GUCY1A2: variants seen among roughly 807,000 people sequenced by gnomAD.
GUCY1A2 encodes guanylate cyclase 1 soluble subunit alpha 2, also known as guanylate cyclase soluble subunit alpha-2.
A neutral mutation model predicts 63.5 loss-of-function variants in GUCY1A2; 27 were observed. The ratio of observed to expected loss-of-function variants is 0.43; its 90% confidence interval spans 0.31 to 0.59. The LOEUF is 0.59. Among genes scored for constraint, GUCY1A2 ranks in the 20% least tolerant of loss-of-function variants. The probability of loss-of-function intolerance (pLI) is 0.11; values close to 1 mark genes in which losing one functional copy is unlikely to be tolerated. For synonymous variants in GUCY1A2, 364 were observed against 343.5 expected, an observed-to-expected ratio of 1.06 and a Z score of -0.66; for missense variants, 768 against 913.3, an observed-to-expected ratio of 0.84 and a Z score of 2.05.
chr11:106,894,715 T>C (rs552707476), intron 4 of GUCY1A2, among the ~76,000 whole-genome samples: 5 of 152,252 alleles, frequency 3.3e-5, no homozygotes, highest in Non-Finnish European at 7.4e-5. Flanking sequence ...TATTTTTGAC[T>C]AAATAAAAAT....
chr11:106,689,088 G>A lies in GUCY1A2; in HGVS notation c.1992-1332C>T, dbSNP rs147451152. Among the ~76,000 whole-genome samples, 1,002 of 152,216 alleles carry A rather than the reference G, an allele frequency of 6.6e-3. 7 individuals are homozygous for A. Among genetic ancestry groups the A allele is most frequent in the Middle Eastern group, 0.017 (5 of 294 alleles). On this transcript the variant is annotated intron_variant, in intron 7 of 7. Coordinates refer to ENST00000526355, the MANE Select transcript of GUCY1A2 (RefSeq NM_000855.3). ...AAGTAGGAGGCAGGTCGGGGCAAAAGAAACAATGAGCACAAGAAGAATAAA... is the reference window on the plus strand; with the variant it reads ...AAGTAGGAGGCAGGTCGGGGCAAAAAAAACAATGAGCACAAGAAGAATAAA...
intron 7 of GUCY1A2, among the ~76,000 whole-genome samples, chr11:106,689,609 A>C (rs1243538869): frequency 6.6e-6 from 1 of 152,304 alleles, no homozygotes; most frequent in Non-Finnish European, 1.5e-5. Context: ...ACGTATATGA[A>C]AAAAAGCTCA....
chr11:106,727,953 C>A (rs1367715785), intron 6 of GUCY1A2, among the ~76,000 whole-genome samples: 3 of 152,086 alleles, frequency 2.0e-5, no homozygotes, highest in Non-Finnish European at 4.4e-5. Context: ...AGGTTTCTCC[C>A]AAATTAGAAT....
At chr11:106,969,894 C>A (rs1017810121) in intron 3 of GUCY1A2, among the ~76,000 whole-genome samples, 1 of 152,140 alleles carries the variant, frequency 6.6e-6, no homozygotes, top group African/African-American at 2.4e-5. Context: ...AGCTGTGCTT[C>A]CATTTCTTCT....
In GUCY1A2 at chr11:106,880,320, G is replaced by T. The variant is rs532208839; in HGVS notation, c.1206+59140C>A. The stretch of plus-strand genomic sequence containing the variant: ...CAGGGAGATTAAGGCCTTTTGTTTG[G>T]GGTTAAATGATGGTTGCCACGTGAA... On this transcript the variant is annotated intron_variant, in intron 4 of 7. Coordinates refer to ENST00000526355, the MANE Select transcript of GUCY1A2 (RefSeq NM_000855.3). 2.2e-4 allele frequency among the ~76,000 whole-genome samples: 34 copies of T among 152,056 alleles called. 1 individual carries two copies. The East Asian group carries it at 2.7e-3, about 12-fold the overall frequency.
At chr11:107,012,290 G>A (rs1861757707) in intron 1 of GUCY1A2, among the ~76,000 whole-genome samples, 1 of 138,680 alleles carries the variant, frequency 7.2e-6, no homozygotes, top group Non-Finnish European at 1.5e-5. Flanking sequence ...CTTGACATCT[G>A]TTAACCTATT....
intron 7 of GUCY1A2, among the ~76,000 whole-genome samples, chr11:106,689,866 G>A (rs532949679): frequency 7.2e-5 from 11 of 151,832 alleles, no homozygotes; most frequent in East Asian, 3.9e-4. Flanking sequence ...ATGTTGGTGC[G>A]CCCCTGTAAT....
intron 4 of GUCY1A2, among the ~76,000 whole-genome samples, chr11:106,871,831 T>C (rs934526159): frequency 6.6e-6 from 1 of 152,200 alleles, no homozygotes; most frequent in Non-Finnish European, 1.5e-5. Flanking sequence ...ATTTAGAAGA[T>C]ATTTAACAGA....
At chr11:106,811,116 A>C (rs1197222065) in intron 4 of GUCY1A2, among the ~76,000 whole-genome samples, 2 of 152,100 alleles carry the variant, frequency 1.3e-5, no homozygotes, top group East Asian at 3.9e-4. Context: ...CTAAAAATAA[A>C]TGAAAAAATA....
chr11:106,986,454 G>T (rs1191111453), intron 1 of GUCY1A2, among the ~76,000 whole-genome samples: 2 of 152,152 alleles, frequency 1.3e-5, no homozygotes, highest in African/African-American at 4.8e-5. Context: ...GGATAGCAGG[G>T]AGGGTGCCCT....
rs1260767381 is a variant in GUCY1A2 at position 106,914,684 on chromosome 11, T to A, written c.1206+24776A>T. Among the ~76,000 whole-genome samples, 9 of 151,092 alleles carry A rather than the reference T, an allele frequency of 6.0e-5. No individual in the cohort carries two copies. The East Asian group carries it at 1.6e-3, about 26-fold the overall frequency. ...ATTGAAAATCTGAGAAGAGAAATAA[T>A]TACAAGAGAAAATAAATAAAGATAA... On this transcript the variant is annotated intron_variant, in intron 4 of 7. Transcript: ENST00000526355.
intron 4 of GUCY1A2, among the ~76,000 whole-genome samples, chr11:106,915,630 C>T (rs1239870340): frequency 7.2e-6 from 1 of 139,224 alleles, no homozygotes; most frequent in East Asian, 2.2e-4. Flanking sequence ...GTGATTATCT[C>T]GCTGTAAATT....
chr11:106,957,243 C>T (rs756773738), intron 3 of GUCY1A2, among the ~76,000 whole-genome samples: 1 of 152,034 alleles, frequency 6.6e-6, no homozygotes, highest in Non-Finnish European at 1.5e-5. Context: ...CTGACTCTTG[C>T]CCCTCCCCCC....
chr11:106,855,893 T>TTTTATTTATTTA (rs200600627), intron 4 of GUCY1A2, among the ~76,000 whole-genome samples: 2 of 94,352 alleles, frequency 2.1e-5, no homozygotes, highest in Non-Finnish European at 4.6e-5. Flanking sequence ...GTCTCTTGTA[T>TTTTATTTATTTA]TTTATTTATT....
intron 4 of GUCY1A2, among the ~76,000 whole-genome samples, chr11:106,913,238 G>A (rs1287309406): frequency 2.6e-5 from 4 of 152,074 alleles, no homozygotes; most frequent in Non-Finnish European, 4.4e-5. Flanking sequence ...AGGAATGCCT[G>A]AAGCTAGACA....
At chr11:106,986,656 AATG>A (rs768132484) in intron 1 of GUCY1A2, among the ~76,000 whole-genome samples, 54 of 152,302 alleles carry the variant, frequency 3.5e-4, no homozygotes, top group Non-Finnish European at 6.8e-4. Flanking sequence ...TTTAAACTTA[AATG>A]ATATTTTTTT....
At chr11:106,891,091 C>G (rs371820300) in intron 4 of GUCY1A2, among the ~76,000 whole-genome samples, 8 of 152,050 alleles carry the variant, frequency 5.3e-5, no homozygotes, top group Non-Finnish European at 1.2e-4. Flanking sequence ...TACATTTCCA[C>G]CAGCAAAGTA....
chr11:106,698,732 T>G (rs1457373753), intron 7 of GUCY1A2, among the ~76,000 whole-genome samples: 1 of 152,194 alleles, frequency 6.6e-6, no homozygotes, highest in Admixed American at 6.5e-5. Context: ...ACAAAATATT[T>G]GTAGAATTAT....
chr11:106,813,060 CTT>C (rs1413767238), intron 4 of GUCY1A2, among the ~76,000 whole-genome samples: 1 of 151,928 alleles, frequency 6.6e-6, no homozygotes, highest in African/African-American at 2.4e-5. Flanking sequence ...CATTTATTAA[CTT>C]AGCAATAAGC....
Sources: allele counts gnomAD v4.1 joint callset (sites outside exome capture counted in the v4.1 genomes callset), GRCh38; gene constraint gnomAD v4.1.1; transcripts MANE v1.5; gene names NCBI Gene and HGNC (gene_info 2026-07-23, HGNC 2026-07-21).